The following SHC3 variants were observed in gnomAD, a reference collection of about 807,000 sequenced individuals.
The protein encoded by SHC3 is SHC adaptor protein 3.
A neutral mutation model predicts 60.4 loss-of-function variants in SHC3; 15 were observed. The ratio of observed to expected loss-of-function variants is 0.25; its 90% confidence interval spans 0.17 to 0.38. The LOEUF (loss-of-function observed/expected upper bound fraction) is 0.38. Among genes scored for constraint, SHC3 ranks in the 10% least tolerant of loss-of-function variants. The pLI is 1.00. For synonymous variants in SHC3, 294 were observed against 325.9 expected (o/e 0.90, Z 1.05); for missense variants, 677 against 786.1 (o/e 0.86, Z 1.66).
chr9:89,149,974 G>A (rs1036792277), intron 1 of SHC3, among the ~76,000 whole-genome samples: 3 of 152,230 alleles, frequency 2.0e-5, no homozygotes, highest in African/African-American at 7.2e-5. Context: ...AACAATCCCA[G>A]TTATCAGGCT....
chr9:89,024,007 C>G lies in SHC3; in HGVS notation c.1657-10432G>C, dbSNP rs118120866. Among the ~76,000 whole-genome samples, 1,371 of 152,316 alleles carry G rather than the reference C, an allele frequency of 9.0e-3. 6 individuals are homozygous for G. Among genetic ancestry groups the G allele is most frequent in the Non-Finnish European group, 0.016 (1,078 of 68,032 alleles). On this transcript the variant is annotated intron_variant, in intron 11 of 11. Coordinates refer to ENST00000375835, the MANE Select transcript of SHC3 (RefSeq NM_016848.6). ...GCTGAGGATCTCGTTTCTAAGCAAGCTCTCTGATGCTGAAGCTGCTAGATT... is the reference window on the plus strand; with the variant it reads ...GCTGAGGATCTCGTTTCTAAGCAAGGTCTCTGATGCTGAAGCTGCTAGATT...
chr9:89,171,419 G>A (rs150157668), intron 1 of SHC3, among the ~76,000 whole-genome samples: 247 of 152,310 alleles, frequency 1.6e-3, no homozygotes, highest in African/African-American at 5.7e-3. Context: ...TGTGAGGCTG[G>A]GTGAAGGCCA....
Position 89,037,639 on chromosome 9 carries a change from G to T in SHC3, c.1656+354C>A, listed in dbSNP as rs1587687933. On this transcript the variant is annotated intron_variant, in intron 11 of 11. Coordinates refer to ENST00000375835, the MANE Select transcript of SHC3 (RefSeq NM_016848.6). ...TCAACTTTTCGAGATAAGCATTCAA[G>T]ATAAATATTAAAAGCCTAGGAGCCT... The T allele has an allele frequency of 6.0e-6, 4 of 666,116 alleles. No homozygotes were observed. The South Asian group carries it at 7.0e-5, about 12-fold the overall frequency. 41.3% of individuals were successfully genotyped at this position (666,116 alleles called of 1,614,324 possible).
intron 10 of SHC3, 139 bp downstream of exon 10, chr9:89,041,887 C>G: frequency 2.8e-6 from 3 of 1,088,014 alleles, no homozygotes; most frequent in Non-Finnish European, 3.9e-6. Context: ...CAATCATCAC[C>G]CAGAAAAGTA....
chr9:89,167,416 G>C (rs1009149864), intron 1 of SHC3, among the ~76,000 whole-genome samples: 1 of 152,194 alleles, frequency 6.6e-6, no homozygotes, highest in Non-Finnish European at 1.5e-5. Flanking sequence ...CCCAAGGAAG[G>C]GGAGAGGCGG....
intron 11 of SHC3, among the ~76,000 whole-genome samples, chr9:89,015,357 T>C (rs535071406): frequency 6.7e-4 from 102 of 152,298 alleles, no homozygotes; most frequent in African/African-American, 2.4e-3. Context: ...GAGACAATAG[T>C]CTCAATGTGG....
chr9:89,026,477 C>T (rs1826305359), intron 11 of SHC3, among the ~76,000 whole-genome samples: 1 of 152,056 alleles, frequency 6.6e-6, no homozygotes, highest in African/African-American at 2.4e-5. Flanking sequence ...ACCTAGAAGC[C>T]CCCTACTTCA....
chr9:89,146,422 A>C (rs1826470770), intron 1 of SHC3, among the ~76,000 whole-genome samples: 1 of 152,152 alleles, frequency 6.6e-6, no homozygotes, highest in African/African-American at 2.4e-5. Context: ...GAAAGAATTA[A>C]CTGAGGCTGT....
chr9:89,160,326 C>T (rs546101578), intron 1 of SHC3, among the ~76,000 whole-genome samples: 20 of 152,294 alleles, frequency 1.3e-4, no homozygotes, highest in African/African-American at 4.8e-4. Context: ...CTTCCAGACC[C>T]AGAATAAATC....
chr9:89,129,270 T>A (rs1826208077), intron 1 of SHC3, among the ~76,000 whole-genome samples: 2 of 152,056 alleles, frequency 1.3e-5, no homozygotes, highest in Non-Finnish European at 1.5e-5. Flanking sequence ...AAAGACCAAA[T>A]CTACCTCTGA....
chr9:89,122,512 C>T (rs1225830597), intron 1 of SHC3, among the ~76,000 whole-genome samples: 1 of 152,232 alleles, frequency 6.6e-6, no homozygotes, highest in Non-Finnish European at 1.5e-5. Context: ...CTTGACAACA[C>T]CTATTTCCAA....
intron 2 of SHC3, among the ~76,000 whole-genome samples, chr9:89,092,130 C>G (rs896776485): frequency 1.3e-5 from 2 of 152,190 alleles, no homozygotes. Context: ...GAAGAAAGGG[C>G]CACTTTCCTA....
intron 2 of SHC3, among the ~76,000 whole-genome samples, chr9:89,096,495 A>G (rs1451749870): frequency 6.6e-6 from 1 of 152,244 alleles, no homozygotes; most frequent in East Asian, 1.9e-4. Context: ...ATTGCTTAAT[A>G]TTACTCATAA....
In SHC3 at chr9:89,178,392, G is replaced by T; in HGVS notation, c.69C>A (p.His23Gln). ...CTCCGCCGCCGCTCACCGACAGGCT[G>T]TGGAGAAGGTCATCGACCGATGTCA... ...DSVTSVDDLLHSLSVSGGGGK... is the reference protein window; with the variant it reads ...DSVTSVDDLLQSLSVSGGGGK... The change falls in exon 1 of 12, where the codon CAC (histidine) becomes CAA (glutamine). Residue 23 changes from histidine to glutamine, a missense_variant. Transcript: ENST00000375835. The surrounding 1 kb of genome is among the most constrained non-coding windows in gnomAD (Gnocchi z 6.9). 1 of 1,563,198 alleles carries T rather than the reference G, an allele frequency of 6.4e-7. No individual in the cohort carries two copies. The highest frequency in any genetic ancestry group is 8.6e-7 in the Non-Finnish European group (1 of 1,156,716).
Position 89,077,847 on chromosome 9 carries a change from T to G in SHC3, c.602A>C (p.Lys201Thr), listed in dbSNP as rs756437827. The change falls in exon 3 of 12, where the codon AAG (lysine) becomes ACG (threonine). Residue 201 changes from lysine to threonine, a missense_variant. Physicochemically the swap from Lys to Thr is moderately conservative, Grantham distance 78 (BLOSUM62 -1). Coordinates refer to ENST00000375835, the MANE Select transcript of SHC3 (RefSeq NM_016848.6). ...GAGCATTGAGGACAGTACCTTTCTC[T>G]TCTTGAAGGCTCCCTTCGCACCAGG... The part of the protein sequence containing the change: ...AVPGAKGAFK[K>T]RKPPSKMLSS... 1.9e-6 allele frequency: 3 copies of G among 1,614,118 alleles called. No individual in the cohort carries two copies. The African/African-American group carries it at 4.0e-5, about 22-fold the overall frequency.
At chr9:89,050,499 T>A (rs996414079) in intron 7 of SHC3, among the ~76,000 whole-genome samples, 2 of 152,238 alleles carry the variant, frequency 1.3e-5, no homozygotes, top group Non-Finnish European at 2.9e-5. Context: ...TTGGCCAGGC[T>A]GGTCTTGAAC....
intron 11 of SHC3, among the ~76,000 whole-genome samples, chr9:89,028,485 CTATATAGATATAGATTAATATAG>C (rs1824408315): frequency 5.4e-5 from 1 of 18,622 alleles, no homozygotes; most frequent in African/African-American, 2.9e-4. Context: ...TAGATTATAT[CTATATAGATATAGATTAATATAG>C]ATTATATCTA....
At chr9:89,039,631 C>T (rs760656061) in intron 10 of SHC3, among the ~76,000 whole-genome samples, 18 of 151,546 alleles carry the variant, frequency 1.2e-4, no homozygotes, top group Non-Finnish European at 1.5e-4. Flanking sequence ...CCGCCATCGT[C>T]GCCATCGTCA....
At chr9:89,014,496 C>T (rs1006086294) in intron 11 of SHC3, among the ~76,000 whole-genome samples, 1 of 152,120 alleles carries the variant, frequency 6.6e-6, no homozygotes, top group Non-Finnish European at 1.5e-5. Flanking sequence ...TCACAGGCCA[C>T]CCTCGCGGCT....
Sources: gnomAD v4.1 joint callset for allele counts (sites outside exome capture counted in the v4.1 genomes callset) on GRCh38, gnomAD v4.1.1 for gene constraint, Gnocchi (gnomAD v3.1) non-coding constraint, MANE v1.5 for transcripts, NCBI Gene and HGNC (gene_info 2026-07-23, HGNC 2026-07-21) for gene names.